The following CFAP299 variants were observed in gnomAD, a reference collection of about 807,000 sequenced individuals.
CFAP299 encodes the protein cilia- and flagella-associated protein 299.
In CFAP299, 21 loss-of-function variants were observed where a neutral mutation model predicts 27.0. The observed-to-expected ratio is 0.78, with a 90% CI of 0.55 to 1.12. CFAP299 has a LOEUF of 1.12. CFAP299 is among the 50% of genes most tolerant of loss of function. The pLI, the probability that CFAP299 is intolerant of heterozygous loss-of-function variation, is 0.00. For missense variants in CFAP299, 310 were observed against 276.6 expected (o/e 1.12, Z -0.86); for synonymous variants, 104 against 98.1 (o/e 1.06, Z -0.36).
At chr4:80,558,358 G>GTTTT (rs1174909337) in intron 2 of CFAP299, among the ~76,000 whole-genome samples, 92 of 121,662 alleles carry the variant, frequency 7.6e-4, no homozygotes, top group African/African-American at 2.8e-3. Flanking sequence ...TTGTTTGTTT[G>GTTTT]TTTGTTTGTT....
intron 2 of CFAP299, among the ~76,000 whole-genome samples, chr4:80,528,875 T>C (rs1036608203): frequency 1.3e-5 from 2 of 152,154 alleles, no homozygotes; most frequent in African/African-American, 4.8e-5. Flanking sequence ...TTTTATCTCT[T>C]ACCAATTTAT....
At chr4:80,629,462 G>C (rs995551480) in intron 3 of CFAP299, among the ~76,000 whole-genome samples, 2 of 152,014 alleles carry the variant, frequency 1.3e-5, no homozygotes, top group Non-Finnish European at 2.9e-5. Context: ...GATGTTAACT[G>C]TTCTCACTAC....
intron 2 of CFAP299, among the ~76,000 whole-genome samples, chr4:80,487,140 C>G (rs1187308152): frequency 6.6e-6 from 1 of 152,124 alleles, no homozygotes; most frequent in Admixed American, 6.5e-5. Context: ...TTTCCGGAAA[C>G]TAGCATAAAA....
chr4:80,558,337 GGTTTTTTTGTTT>G (rs1456765962), intron 2 of CFAP299, among the ~76,000 whole-genome samples: 1 of 144,610 alleles, frequency 6.9e-6, no homozygotes, highest in Non-Finnish European at 1.5e-5. Context: ...AGACTTTTGT[GGTTTTTTTGTTT>G]GTTTGTTTGT....
intron 3 of CFAP299, among the ~76,000 whole-genome samples, chr4:80,678,064 A>G (rs908125733): frequency 4.6e-5 from 7 of 151,898 alleles, no homozygotes; most frequent in African/African-American, 1.4e-4. Context: ...TTTATCATCA[A>G]TCTAGTTGTA....
chr4:80,595,323 A>G (rs901081267), intron 3 of CFAP299, among the ~76,000 whole-genome samples: 1 of 152,132 alleles, frequency 6.6e-6, no homozygotes, highest in African/African-American at 2.4e-5. Context: ...TGTATTTCAA[A>G]TTCACAATTA....
At chr4:80,855,802 A>G (rs549587859) in intron 3 of CFAP299, among the ~76,000 whole-genome samples, 1 of 152,024 alleles carries the variant, frequency 6.6e-6, no homozygotes, top group Non-Finnish European at 1.5e-5. Flanking sequence ...AATCCAGTCT[A>G]TCATTGTTGG....
chr4:80,395,881 A>G (rs1193222398), intron 2 of CFAP299, among the ~76,000 whole-genome samples: 1 of 152,208 alleles, frequency 6.6e-6, no homozygotes. Context: ...TGGTGACTGC[A>G]TTAATTATAA....
In CFAP299 at chr4:80,466,341, T is replaced by A. The variant is rs552676075; in HGVS notation, c.242+103457T>A. Among the ~76,000 whole-genome samples the A allele has an allele frequency of 5.0e-4, 76 of 152,350 alleles. 1 individual carries two copies. Among genetic ancestry groups the A allele is most frequent in the African/African-American group, 1.8e-3 (73 of 41,586 alleles). On this transcript the variant is annotated intron_variant, in intron 2 of 5. Transcript: ENST00000358105. The stretch of plus-strand genomic sequence containing the variant: ...TAACACTCTAAGTATTCATTGTTAC[T>A]TTATTTTAACCCAAAGAACTGATTA...
At chr4:80,947,287 G>A (rs887245863) in intron 5 of CFAP299, among the ~76,000 whole-genome samples, 16 of 152,196 alleles carry the variant, frequency 1.1e-4, no homozygotes, top group Admixed American at 3.9e-4. Context: ...ATTATTAGGC[G>A]AGACATACAA....
intron 2 of CFAP299, among the ~76,000 whole-genome samples, chr4:80,543,489 A>C (rs1734097119): frequency 6.6e-6 from 1 of 152,224 alleles, no homozygotes; most frequent in Non-Finnish European, 1.5e-5. Flanking sequence ...AGATGACATA[A>C]CCATTCTAAG....
intron 1 of CFAP299, among the ~76,000 whole-genome samples, chr4:80,338,869 GT>G (rs1426294140): frequency 6.6e-6 from 1 of 152,186 alleles, no homozygotes; most frequent in African/African-American, 2.4e-5. Context: ...AAAGTTTTCA[GT>G]TAATCTGCAT....
rs1166152186 is a variant in CFAP299 at position 80,944,932 on chromosome 4, A to T, written c.599A>T (p.Asp200Val). The T allele has an allele frequency of 5.3e-5, 85 of 1,611,042 alleles. No homozygotes were observed. Among genetic ancestry groups the T allele is most frequent in the Non-Finnish European group, 7.0e-5 (82 of 1,178,566 alleles). Residue 200 changes from aspartate to valine, a missense_variant, in exon 5 of 6, where the codon GAC becomes GTC. Physicochemically the swap from Asp to Val is radical, Grantham distance 152 (BLOSUM62 -3). Coordinates refer to ENST00000358105, the MANE Select transcript of CFAP299 (RefSeq NM_152770.3). ...YKRDRKILNV[D>V]PKAQPGDNST... ...AGAGACAGAAAAATTCTTAATGTGG[A>T]CCCAAAGGTAATTCTTCTTTTACAC...
chr4:80,699,584 T>C (rs1721335734), intron 3 of CFAP299, among the ~76,000 whole-genome samples: 1 of 152,118 alleles, frequency 6.6e-6, no homozygotes, highest in Non-Finnish European at 1.5e-5. Flanking sequence ...TTTCTTCAAG[T>C]TCAAGAGAAC....
intron 2 of CFAP299, among the ~76,000 whole-genome samples, chr4:80,365,455 A>G (rs781223659): frequency 3.3e-5 from 5 of 152,212 alleles, no homozygotes; most frequent in Non-Finnish European, 5.9e-5. Flanking sequence ...ACATATTCAC[A>G]GTTCTTAAGA....
intron 2 of CFAP299, among the ~76,000 whole-genome samples, chr4:80,396,100 C>T (rs1293548791): frequency 3.3e-5 from 5 of 152,122 alleles, no homozygotes; most frequent in Non-Finnish European, 5.9e-5. Flanking sequence ...AGTTTGTCAG[C>T]ATTCTCAATT....
the CFAP299 span, among the ~76,000 whole-genome samples, chr4:80,321,949 T>C: frequency 1.3e-5 from 2 of 152,090 alleles, no homozygotes; most frequent in African/African-American, 4.8e-5. Flanking sequence ...TGGAAAGTAC[T>C]GCCTGAAGGA....
At chr4:80,654,784 CTT>C (rs369680550) in intron 3 of CFAP299, among the ~76,000 whole-genome samples, 22 of 126,752 alleles carry the variant, frequency 1.7e-4, no homozygotes, top group Non-Finnish European at 2.0e-4. Flanking sequence ...TAATTTTTAA[CTT>C]TTTTTTTTTT....
intron 3 of CFAP299, among the ~76,000 whole-genome samples, chr4:80,641,422 C>G (rs1232805434): frequency 1.3e-5 from 2 of 152,134 alleles, no homozygotes; most frequent in Non-Finnish European, 2.9e-5. Context: ...CCAGGCTGGT[C>G]TTGAACTCCT....
Sources: allele counts gnomAD v4.1 joint callset (sites outside exome capture counted in the v4.1 genomes callset), GRCh38; gene constraint gnomAD v4.1.1; transcripts MANE v1.5; gene names NCBI Gene and HGNC (gene_info 2026-07-23, HGNC 2026-07-21).